The following CACNA2D3 variants were observed in gnomAD, a reference collection of about 807,000 sequenced individuals.
CACNA2D3 encodes calcium voltage-gated channel auxiliary subunit alpha2delta 3, also known as voltage-dependent calcium channel subunit alpha-2/delta-3.
CACNA2D3 carries 60 observed loss-of-function variants against 160.6 expected under a neutral mutation model. The observed-to-expected ratio is 0.37, with a 90% CI of 0.30 to 0.46. The LOEUF is 0.46. Among genes scored for constraint, CACNA2D3 ranks in the 20% least tolerant of loss-of-function variants. The pLI is 1.00. For missense variants in CACNA2D3, 1,205 were observed against 1,365.0 expected, an observed-to-expected ratio of 0.88 and a Z score of 1.85; for synonymous variants, 558 against 492.9, an observed-to-expected ratio of 1.13 and a Z score of -1.75.
At chr3:54,541,121 C>T (rs1002201767) in intron 5 of CACNA2D3, among the ~76,000 whole-genome samples, 1 of 151,280 alleles carries the variant, frequency 6.6e-6, no homozygotes, top group Admixed American at 6.6e-5. Flanking sequence ...ACTAAAAATA[C>T]AAAAAATTAG....
intron 11 of CACNA2D3, among the ~76,000 whole-genome samples, chr3:54,682,193 A>C (rs1228587590): frequency 6.7e-6 from 1 of 150,176 alleles, no homozygotes; most frequent in Non-Finnish European, 1.5e-5. Context: ...ACACACACAC[A>C]CCACAAAACC....
chr3:54,278,027 A>C (rs117574366), intron 2 of CACNA2D3, among the ~76,000 whole-genome samples: 2 of 152,236 alleles, frequency 1.3e-5, no homozygotes, highest in African/African-American at 2.4e-5. Flanking sequence ...TTTGCACAGC[A>C]AAAGAAACTG....
At chr3:54,864,077 C>A (rs943387769) in intron 17 of CACNA2D3, among the ~76,000 whole-genome samples, 1 of 152,132 alleles carries the variant, frequency 6.6e-6, no homozygotes, top group African/African-American at 2.4e-5. Flanking sequence ...CTAGAGAAAT[C>A]TGGGCTGTCA....
intron 31 of CACNA2D3, among the ~76,000 whole-genome samples, chr3:54,996,440 C>T (rs2107124103): frequency 6.6e-6 from 1 of 152,282 alleles, no homozygotes; most frequent in East Asian, 1.9e-4. Flanking sequence ...TTACTGGGCA[C>T]CCATGAATTT....
intron 5 of CACNA2D3, among the ~76,000 whole-genome samples, chr3:54,531,490 C>T (rs377502521): frequency 6.6e-6 from 1 of 152,170 alleles, no homozygotes; most frequent in East Asian, 1.9e-4. Context: ...ATTTTTTCCC[C>T]TTGTGCAAGC....
At chr3:54,431,326 T>C in intron 4 of CACNA2D3, among the ~76,000 whole-genome samples, 1 of 131,936 alleles carries the variant, frequency 7.6e-6, no homozygotes. Flanking sequence ...AGACTCCGTC[T>C]CAAAAAAAAA....
At chr3:54,158,009 A>C (rs971354440) in intron 2 of CACNA2D3, among the ~76,000 whole-genome samples, 1 of 152,218 alleles carries the variant, frequency 6.6e-6, no homozygotes, top group Non-Finnish European at 1.5e-5. Flanking sequence ...TTGCCACCTA[A>C]GGTGGGAGGC....
intron 2 of CACNA2D3, among the ~76,000 whole-genome samples, chr3:54,155,612 G>T (rs1336043319): frequency 6.6e-6 from 1 of 152,156 alleles, no homozygotes; most frequent in Non-Finnish European, 1.5e-5. Context: ...GGTTTTGTTT[G>T]CGTTTTTCTC....
At chr3:54,873,934 T>C (rs1232599400) in intron 18 of CACNA2D3, among the ~76,000 whole-genome samples, 1 of 152,216 alleles carries the variant, frequency 6.6e-6, no homozygotes, top group Non-Finnish European at 1.5e-5. Context: ...CATATCCATG[T>C]GCTGGGCCTT....
chr3:54,972,004 T>A (rs111606732), intron 29 of CACNA2D3, among the ~76,000 whole-genome samples: 18,094 of 151,214 alleles, frequency 0.12, 1,398 homozygotes, highest in African/African-American at 0.22. Flanking sequence ...TTTATAAATT[T>A]AAAAAAAAAC....
At chr3:54,731,942 C>T (rs1271353324) in intron 11 of CACNA2D3, among the ~76,000 whole-genome samples, 1 of 152,048 alleles carries the variant, frequency 6.6e-6, no homozygotes, top group Non-Finnish European at 1.5e-5. Context: ...AGTGTCAAGG[C>T]CCTTTTTTTC....
At position 54,845,133 on chromosome 3, in the gene CACNA2D3, CTTA is replaced by C. The variant is rs544509165; in HGVS notation, c.1552-1256_1552-1254del. ...TTTTATCATTAGAGTCAAGTAGAAT[CTTA>C]TTAAGACTTGCTGTGCAAGGTAACT... On this transcript the variant is annotated intron_variant, in intron 16 of 37. Coordinates refer to ENST00000474759, the MANE Select transcript of CACNA2D3 (RefSeq NM_018398.3). Among the ~76,000 whole-genome samples, 73 of 140,710 alleles carry C rather than the reference CTTA, an allele frequency of 5.2e-4. 1 individual carries two copies. Among genetic ancestry groups the C allele is most frequent in the African/African-American group, 1.9e-3 (70 of 36,218 alleles). The allele number at this position is 140,710 out of a possible 152,430, so 92.3% of individuals were successfully genotyped here. A position where few individuals can be genotyped will look rare whatever the true frequency, so the allele number is the denominator to read the frequency against.
intron 2 of CACNA2D3, among the ~76,000 whole-genome samples, chr3:54,124,805 TG>T (rs896065521): frequency 3.9e-5 from 6 of 152,360 alleles, no homozygotes; most frequent in African/African-American, 1.4e-4. Flanking sequence ...TCAACTCTGT[TG>T]TTTGGGAAGG....
intron 27 of CACNA2D3, among the ~76,000 whole-genome samples, chr3:54,937,945 T>C (rs189085252): frequency 1.3e-5 from 2 of 152,280 alleles, no homozygotes; most frequent in South Asian, 2.1e-4. Context: ...TTGAAAACCA[T>C]TGGTTTTCAC....
At chr3:54,215,244 G>T (rs181299324) in intron 2 of CACNA2D3, among the ~76,000 whole-genome samples, 81 of 152,324 alleles carry the variant, frequency 5.3e-4, no homozygotes, top group African/African-American at 1.7e-3. Flanking sequence ...GGTACACAAT[G>T]TGATGTTTTG....
rs1559563791 is a variant in CACNA2D3, at chr3:54,736,115, ATATACATATATATATG to A, written c.1168-16479_1168-16464del. Among the ~76,000 whole-genome samples the A allele has an allele frequency of 4.8e-3, 122 of 25,306 alleles. 6 individuals are homozygous for A. The highest frequency in any genetic ancestry group is 7.9e-3 in the Non-Finnish European group (89 of 11,282). 16.6% of individuals were successfully genotyped at this position (25,306 alleles called of 152,430 possible). On this transcript the variant is annotated intron_variant, in intron 11 of 37. Coordinates refer to ENST00000474759, the MANE Select transcript of CACNA2D3 (RefSeq NM_018398.3). ...TATATATATACATATATATGTATAT[ATATACATATATATATG>A]TATATATATACACACACACACACAC...
At chr3:54,249,643 AC>A (rs1377693153) in intron 2 of CACNA2D3, among the ~76,000 whole-genome samples, 1 of 140,622 alleles carries the variant, frequency 7.1e-6, no homozygotes, top group Non-Finnish European at 1.5e-5. Flanking sequence ...GTTCCTTAGA[AC>A]AAATCTCTCT....
At chr3:54,501,953 A>G (rs1701301592) in intron 4 of CACNA2D3, among the ~76,000 whole-genome samples, 1 of 152,144 alleles carries the variant, frequency 6.6e-6, no homozygotes, top group Non-Finnish European at 1.5e-5. Context: ...GGTTCACTCC[A>G]TTCTCTTCTT....
chr3:54,566,020 A>T (rs919781562), intron 6 of CACNA2D3, among the ~76,000 whole-genome samples: 1 of 152,184 alleles, frequency 6.6e-6, no homozygotes, highest in Non-Finnish European at 1.5e-5. Flanking sequence ...TGAATCACCC[A>T]TTAGATCAAA....
Sources: gnomAD v4.1 joint callset for allele counts (sites outside exome capture counted in the v4.1 genomes callset) on GRCh38, gnomAD v4.1.1 for gene constraint, MANE v1.5 for transcripts, NCBI Gene and HGNC (gene_info 2026-07-23, HGNC 2026-07-21) for gene names.